ZFHX3: variants seen among roughly 807,000 people sequenced by gnomAD.
The protein encoded by ZFHX3 is zinc finger homeobox 3.
A neutral mutation model predicts 279.1 loss-of-function variants in ZFHX3; 42 were observed. That is an observed-to-expected ratio of 0.15 (90% CI 0.12 to 0.19). The LOEUF (loss-of-function observed/expected upper bound fraction) is 0.19, where lower values mean the gene tolerates loss of function less well. Ranked by LOEUF, ZFHX3 falls within the 10% of genes least tolerant of loss-of-function variation. The pLI is 1.00. For synonymous variants in ZFHX3, 2,293 were observed against 1,957.8 expected (o/e 1.17, Z -4.52); for missense variants, 4,981 against 4,754.0 (o/e 1.05, Z -1.40).
chr16:73,261,744 C>T (rs1188010907), intron 4 of ZFHX3, among the ~76,000 whole-genome samples: 1 of 143,668 alleles, frequency 7.0e-6, no homozygotes, highest in Non-Finnish European at 1.5e-5. Context: ...AGCACAATCT[C>T]GGCTCACCGC....
intron 5 of ZFHX3, among the ~76,000 whole-genome samples, chr16:73,255,388 G>C (rs571679951): frequency 1.3e-5 from 2 of 152,338 alleles, no homozygotes; most frequent in South Asian, 4.1e-4. Context: ...AGCCAGCACT[G>C]GGTGTTGTAT....
intron 7 of ZFHX3, among the ~76,000 whole-genome samples, chr16:73,109,109 C>T (rs536430766): frequency 1.3e-3 from 195 of 152,320 alleles, no homozygotes; most frequent in Non-Finnish European, 2.4e-3. Flanking sequence ...GTGGTCTTTC[C>T]GCAGGACTAG....
chr16:73,358,509 G>A (rs769435517), intron 3 of ZFHX3, among the ~76,000 whole-genome samples: 2 of 152,172 alleles, frequency 1.3e-5, no homozygotes, highest in Non-Finnish European at 2.9e-5. Flanking sequence ...AGATGATGGC[G>A]GCCCTGGCTG....
intron 2 of ZFHX3, among the ~76,000 whole-genome samples, chr16:73,610,590 C>T (rs2143881651): frequency 6.6e-6 from 1 of 152,286 alleles, no homozygotes; most frequent in Admixed American, 6.5e-5. Flanking sequence ...AAAGGATAAA[C>T]TTCTTAGCAC....
At chr16:72,913,144 C>T (rs1011794376) in intron 3 of ZFHX3, among the ~76,000 whole-genome samples, 22 of 152,238 alleles carry the variant, frequency 1.4e-4, no homozygotes, top group African/African-American at 5.3e-4. Context: ...ATGTGCCCTT[C>T]ACACAGCTGC....
chr16:73,157,827 C>T (rs371941800), intron 5 of ZFHX3, among the ~76,000 whole-genome samples: 11 of 152,178 alleles, frequency 7.2e-5, no homozygotes, highest in Admixed American at 5.2e-4. Flanking sequence ...CCATTGGCCT[C>T]ACAAGGAGAA....
At chr16:73,022,054 C>G (rs768941180) in intron 1 of ZFHX3, among the ~76,000 whole-genome samples, 13 of 152,146 alleles carry the variant, frequency 8.5e-5, no homozygotes, top group Non-Finnish European at 1.8e-4. Context: ...CCCCTGCCCT[C>G]GTCCCGCCTC....
chr16:72,954,693 G>C (rs759741076), intron 2 of ZFHX3, among the ~76,000 whole-genome samples: 3 of 152,188 alleles, frequency 2.0e-5, no homozygotes, highest in Non-Finnish European at 4.4e-5. Context: ...GAGTCGAAAG[G>C]AAGGTTTGGG....
chr16:72,801,552 C>G (rs1008621505), intron 7 of ZFHX3, among the ~76,000 whole-genome samples: 1 of 152,002 alleles, frequency 6.6e-6, no homozygotes, highest in Non-Finnish European at 1.5e-5. Context: ...TTTCAGCAAC[C>G]CAGATGCCAG....
At chr16:73,072,306 G>A (rs756238211) in intron 8 of ZFHX3, among the ~76,000 whole-genome samples, 18 of 152,168 alleles carry the variant, frequency 1.2e-4, no homozygotes, top group East Asian at 1.9e-4. Flanking sequence ...TTAGCCAGGC[G>A]TGGTGGGGGC....
chr16:73,678,026 G>A (rs868582727), intron 2 of ZFHX3, among the ~76,000 whole-genome samples: 2 of 151,936 alleles, frequency 1.3e-5, no homozygotes, highest in Non-Finnish European at 2.9e-5. Flanking sequence ...ACCCAACAGG[G>A]AAAAACAAAT....
At chr16:73,301,113 G>A (rs996698418) in intron 4 of ZFHX3, among the ~76,000 whole-genome samples, 1 of 152,200 alleles carries the variant, frequency 6.6e-6, no homozygotes, top group African/African-American at 2.4e-5. Context: ...CTCAAATCTG[G>A]TTGTGTATCA....
At chr16:72,991,092 C>CGTG (rs1555538013) in intron 1 of ZFHX3, among the ~76,000 whole-genome samples, 1 of 151,878 alleles carries the variant, frequency 6.6e-6, no homozygotes, top group Non-Finnish European at 1.5e-5. Flanking sequence ...TATAGCAGTC[C>CGTG]CTTATCCGAG....
intron 7 of ZFHX3, among the ~76,000 whole-genome samples, chr16:72,800,738 C>CT (rs1222770608): frequency 1.6e-5 from 2 of 126,430 alleles, no homozygotes; most frequent in East Asian, 3.9e-4. Flanking sequence ...ACAAACAAGC[C>CT]TTTTTTTGTG....
intron 3 of ZFHX3, among the ~76,000 whole-genome samples, chr16:72,934,152 G>T (rs8063835): frequency 6.6e-6 from 1 of 152,114 alleles, no homozygotes; most frequent in African/African-American, 2.4e-5. Context: ...TAGGCTAGGC[G>T]TGATGGCTCA....
intron 5 of ZFHX3, among the ~76,000 whole-genome samples, chr16:73,196,265 G>A (rs903128947): frequency 2.0e-5 from 3 of 151,760 alleles, no homozygotes; most frequent in African/African-American, 4.8e-5. Flanking sequence ...CCCCGAATGG[G>A]ATATCTAGAG....
chr16:73,637,596 T>C (rs2052539043), intron 2 of ZFHX3, among the ~76,000 whole-genome samples: 2 of 152,160 alleles, frequency 1.3e-5, no homozygotes, highest in Admixed American at 1.3e-4. Context: ...AATGTTATAG[T>C]GTTGGGTACA....
chr16:73,682,940 A>G (rs868125655), intron 1 of ZFHX3, among the ~76,000 whole-genome samples: 1,108 of 17,262 alleles, frequency 0.064, 66 homozygotes, highest in East Asian at 0.18. Context: ...GAAAGAAAGA[A>G]AGAAAGAAAG....
At chr16:72,858,777 G>A (rs1226550997) in intron 4 of ZFHX3, among the ~76,000 whole-genome samples, 2 of 152,216 alleles carry the variant, frequency 1.3e-5, no homozygotes, top group Non-Finnish European at 2.9e-5. Context: ...CCCCATTTAC[G>A]CACGAGCTGC....
Sources: allele counts gnomAD v4.1 joint callset (sites outside exome capture counted in the v4.1 genomes callset), GRCh38; gene constraint gnomAD v4.1.1; transcripts MANE v1.5; gene names NCBI Gene and HGNC (gene_info 2026-07-23, HGNC 2026-07-21).